Variants in SAMSN1 observed in about 807,000 individuals in gnomAD.
SAMSN1 encodes the protein SAM domain, SH3 domain and nuclear localization signals 1.
Under a neutral mutation model 42.0 loss-of-function variants are expected in SAMSN1, and 31 were observed. The observed-to-expected ratio is 0.74, with a 90% CI of 0.55 to 1.00. The LOEUF (loss-of-function observed/expected upper bound fraction) is 1.00. Ranked by LOEUF, SAMSN1 falls within the 50% of genes least tolerant of loss-of-function variation. SAMSN1 has a pLI of 0.00. For missense variants in SAMSN1, 464 were observed against 439.4 expected (o/e 1.06, Z -0.50); for synonymous variants, 178 against 151.9 (o/e 1.17, Z -1.26).
chr21:14,513,036 GA>G (rs1987756243), intron 3 of SAMSN1, among the ~76,000 whole-genome samples: 1 of 152,098 alleles, frequency 6.6e-6, no homozygotes, highest in South Asian at 2.1e-4. Flanking sequence ...CACTAGATAT[GA>G]ATAAAACATG....
chr21:14,593,558 C>T (rs749581938), intron 7 of SAMSN1, among the ~76,000 whole-genome samples: 14 of 152,050 alleles, frequency 9.2e-5, no homozygotes, highest in Non-Finnish European at 1.9e-4. Context: ...AATGGTTTTA[C>T]TATATTTCAT....
At chr21:14,568,606 A>G (rs987969422) in intron 2 of SAMSN1, among the ~76,000 whole-genome samples, 1 of 152,110 alleles carries the variant, frequency 6.6e-6, no homozygotes, top group African/African-American at 2.4e-5. Context: ...GTGGTCATCT[A>G]GTACTATCCA....
chr21:14,563,248 T>C (rs564517438), intron 2 of SAMSN1, among the ~76,000 whole-genome samples: 56 of 152,324 alleles, frequency 3.7e-4, no homozygotes, highest in African/African-American at 1.3e-3. Context: ...ATATCTTTCA[T>C]TTCATTTACT....
intron 7 of SAMSN1, among the ~76,000 whole-genome samples, chr21:14,590,860 A>G (rs924628739): frequency 6.6e-6 from 1 of 152,192 alleles, no homozygotes; most frequent in African/African-American, 2.4e-5. Context: ...CCTAAAACAT[A>G]TTCTAAAAAG....
intron 7 of SAMSN1, among the ~76,000 whole-genome samples, chr21:14,487,094 C>T (rs1362092513): frequency 1.3e-5 from 2 of 152,056 alleles, no homozygotes; most frequent in Non-Finnish European, 2.9e-5. Flanking sequence ...TTCCTCTTTC[C>T]CCTTCTAACC....
At chr21:14,599,240 G>A (rs558973808) in intron 6 of SAMSN1, among the ~76,000 whole-genome samples, 19 of 152,224 alleles carry the variant, frequency 1.2e-4, no homozygotes, top group African/African-American at 4.1e-4. Flanking sequence ...TGTCAAGGGC[G>A]GGATCAGATG....
chr21:14,491,071 G>A (rs1384960046), intron 7 of SAMSN1, among the ~76,000 whole-genome samples: 1 of 152,136 alleles, frequency 6.6e-6, no homozygotes, highest in African/African-American at 2.4e-5. Context: ...ACCAAATAAC[G>A]TTTAAAACTG....
At chr21:14,491,322 C>T (rs1206606658) in intron 7 of SAMSN1, among the ~76,000 whole-genome samples, 6 of 151,272 alleles carry the variant, frequency 4.0e-5, no homozygotes, top group African/African-American at 7.3e-5. Context: ...TGCCCAGGCT[C>T]GTCTTGAACT....
chr21:14,566,391 A>G (rs1981117640), intron 2 of SAMSN1, among the ~76,000 whole-genome samples: 1 of 152,158 alleles, frequency 6.6e-6, no homozygotes, highest in African/African-American at 2.4e-5. Flanking sequence ...ATCTATTCTG[A>G]CATTTAAAGG....
At chr21:14,634,591 A>G (rs1983418076) in intron 2 of SAMSN1, among the ~76,000 whole-genome samples, 3 of 152,246 alleles carry the variant, frequency 2.0e-5, no homozygotes. Context: ...TCATTAGAGA[A>G]ATGCAAATCA....
exon 2 of SAMSN1, chr21:14,582,230 A>G (rs984912384): frequency 3.2e-6 from 5 of 1,550,888 alleles, no homozygotes; most frequent in Non-Finnish European, 4.4e-6. Context: ...AACTTGTGCT[A>G]TTTGGAAATC....
At chr21:14,533,744 G>C (rs1334822089) in intron 1 of SAMSN1, among the ~76,000 whole-genome samples, 1 of 152,116 alleles carries the variant, frequency 6.6e-6, no homozygotes, top group Non-Finnish European at 1.5e-5. Flanking sequence ...CATGTTGACT[G>C]ATCAAAAAAT....
At position 14,498,640 on chromosome 21, in the gene SAMSN1, A is replaced by T. The variant is rs1987008214; in HGVS notation, c.769-48T>A. 11 of 1,437,476 alleles carry T rather than the reference A, an allele frequency of 7.7e-6. No homozygotes were observed. The East Asian group carries it at 2.6e-4, about 35-fold the overall frequency. 89.0% of individuals were successfully genotyped at this position (1,437,476 alleles called of 1,614,324 possible). A position where few individuals can be genotyped will look rare whatever the true frequency, so the allele number is the denominator to read the frequency against. On this transcript the variant is annotated intron_variant, in intron 6 of 7. Transcript: ENST00000400566. ...CAAATTAGTCAGATTCAAATATTTT[A>T]TTTTTAGTTCTCTTTAGATTTAAAG...
intron 1 of SAMSN1, among the ~76,000 whole-genome samples, chr21:14,539,928 T>C (rs1275327912): frequency 1.3e-5 from 2 of 152,128 alleles, no homozygotes; most frequent in Non-Finnish European, 2.9e-5. Flanking sequence ...CAGCATGGTA[T>C]TGGTACCAAA....
chr21:14,632,407 C>T (rs780315227), intron 2 of SAMSN1, among the ~76,000 whole-genome samples: 10 of 151,354 alleles, frequency 6.6e-5, no homozygotes, highest in Non-Finnish European at 1.2e-4. Context: ...TTTTAGTTCC[C>T]GTATTAGTTA....
At position 14,521,208 on chromosome 21, in the gene SAMSN1, A is replaced by G. The variant is rs1978450149; in HGVS notation, c.71T>C (p.Phe24Ser). Residue 24 changes from phenylalanine (F) to serine (S), a missense_variant, in exon 2 of 8, where the codon TTT (phenylalanine) becomes TCT (serine). By Grantham distance (155) the Phe-to-Ser change is radical (BLOSUM62 -2). Transcript: ENST00000400566. ...KHQKPKRSSSFGNFDRFRNNS... is the reference protein window; with the variant it reads ...KHQKPKRSSSSGNFDRFRNNS... ...ATTCCGAAAACGATCGAAATTCCCA[A>G]AACTGCTGCTTCGCTATAAAATAGA... 1 of 1,610,992 alleles carries G rather than the reference A, an allele frequency of 6.2e-7. No individual in the cohort carries two copies. The highest frequency in any genetic ancestry group is 8.5e-7 in the Non-Finnish European group (1 of 1,178,134).
At chr21:14,547,252 A>C (rs1893011579), upstream of SAMSN1, among the ~76,000 whole-genome samples, 1 of 152,182 alleles carries the variant, frequency 6.6e-6, no homozygotes, top group Non-Finnish European at 1.5e-5. Context: ...CCAATTAACC[A>C]TATGTCTTTG....
rs1987955554 is a variant in SAMSN1, at chr21:14,517,134, G to A, written c.130-93C>T. On this transcript the variant is annotated intron_variant, in intron 2 of 7. Coordinates refer to ENST00000400566, the MANE Select transcript of SAMSN1 (RefSeq NM_022136.5). ...TTACAGAGAACATTCTGAGTTTGTG[G>A]ATTTTGCATGCATTCTGTGCAGCAG... 12 of 1,192,832 alleles carry A rather than the reference G, an allele frequency of 1.0e-5. 1 individual carries two copies. In the South Asian group the frequency reaches 1.9e-4, roughly 19 times the overall value. 73.9% of individuals were successfully genotyped at this position (1,192,832 alleles called of 1,614,324 possible). A position where few individuals can be genotyped will look rare whatever the true frequency, so the allele number is the denominator to read the frequency against.
Position 14,500,641 on chromosome 21 carries a change from A to T in SAMSN1, c.656T>A (p.Val219Glu), listed in dbSNP as rs772593283. The change falls in exon 6 of 8, where the codon GTG becomes GAG. Residue 219 changes from valine (V) to glutamate (E), a missense_variant. Coordinates refer to ENST00000400566, the MANE Select transcript of SAMSN1 (RefSeq NM_022136.5). ...NKVGNFKFIYVDVISEEEAAP... is the reference protein window; with the variant it reads ...NKVGNFKFIYEDVISEEEAAP... ...TGCTTCCTCTTCTGAGATGACATCC[A>T]CATAAATGAATTTGAAGTTTCCCAC... 1.2e-6 allele frequency: 2 copies of T among 1,614,084 alleles called. No individual in the cohort carries two copies. The highest frequency in any genetic ancestry group is 1.7e-6 in the Non-Finnish European group (2 of 1,179,962).
Sources: gnomAD v4.1 joint callset for allele counts (sites outside exome capture counted in the v4.1 genomes callset) on GRCh38, gnomAD v4.1.1 for gene constraint, MANE v1.5 for transcripts, NCBI Gene and HGNC (gene_info 2026-07-23, HGNC 2026-07-21) for gene names.